ASNS: variants seen among roughly 807,000 people sequenced by gnomAD.
ASNS encodes asparagine synthetase [glutamine-hydrolyzing].
A neutral mutation model predicts 62.6 loss-of-function variants in ASNS; 37 were observed. The ratio of observed to expected loss-of-function variants is 0.59; its 90% confidence interval spans 0.45 to 0.78. The LOEUF (loss-of-function observed/expected upper bound fraction) is 0.78. ASNS is among the 30% of genes least tolerant of loss of function. The probability of loss-of-function intolerance (pLI) is 0.00; values close to 1 mark genes in which losing one functional copy is unlikely to be tolerated. For synonymous variants in ASNS, 207 were observed against 237.9 expected, an observed-to-expected ratio of 0.87 and a Z score of 1.19; for missense variants, 520 against 682.4, an observed-to-expected ratio of 0.76 and a Z score of 2.65.
the ASNS span, among the ~76,000 whole-genome samples, chr7:97,897,372 C>G: frequency 6.6e-6 from 1 of 152,118 alleles, no homozygotes; most frequent in East Asian, 1.9e-4. Context: ...ATGCCAAACG[C>G]AATTGCCACA....
At chr7:97,889,376 G>A in the ASNS span, among the ~76,000 whole-genome samples, 59 of 152,280 alleles carry the variant, frequency 3.9e-4, no homozygotes, top group Admixed American at 2.7e-3. Context: ...AATTAGCTGC[G>A]CATGGTTGTA....
At position 97,852,091 on chromosome 7, in the gene ASNS, G is replaced by C; in HGVS notation, c.*168C>G. The C allele has an allele frequency of 1.4e-6, 1 of 717,974 alleles. No individual in the cohort carries two copies. The highest frequency in any genetic ancestry group is 2.3e-6 in the Non-Finnish European group (1 of 441,530). 44.5% of individuals were successfully genotyped at this position (717,974 alleles called of 1,614,324 possible). ...CAAAACAGTTCTAGTTACCTCTTAT[G>C]AAGAGACTGCATGAACATAAATGAC... On this transcript the variant is annotated 3_prime_UTR_variant, in exon 13 of 13. Transcript: ENST00000394308.
At chr7:97,919,724 A>G in the ASNS span, among the ~76,000 whole-genome samples, 4 of 152,154 alleles carry the variant, frequency 2.6e-5, no homozygotes, top group African/African-American at 7.2e-5. Flanking sequence ...GGCAGGAGGA[A>G]AGGGGGACAA....
the ASNS span, among the ~76,000 whole-genome samples, chr7:97,925,182 G>T: frequency 5.9e-5 from 9 of 152,312 alleles, no homozygotes; most frequent in South Asian, 1.9e-3. Context: ...CATTTTCCAT[G>T]TACTGTCTTA....
intron 1 of ASNS, chr7:97,870,077 C>T (rs1318064032): frequency 1.9e-5 from 6 of 323,044 alleles, no homozygotes; most frequent in Admixed American, 5.3e-5. Flanking sequence ...CCCTTACATA[C>T]GTTAATTACT....
At chr7:97,893,019 G>A in the ASNS span, among the ~76,000 whole-genome samples, 2 of 152,210 alleles carry the variant, frequency 1.3e-5, no homozygotes, top group African/African-American at 2.4e-5. Context: ...TTCAAGACTG[G>A]GAAATTTACA....
At chr7:97,865,900 G>A (rs1357352043) in intron 3 of ASNS, among the ~76,000 whole-genome samples, 2 of 152,114 alleles carry the variant, frequency 1.3e-5, no homozygotes, top group Non-Finnish European at 2.9e-5. Context: ...CAGCTGAAGC[G>A]GGCTGAGAGG....
At position 97,868,999 on chromosome 7, in the gene ASNS, A is replaced by T; in HGVS notation, c.158T>A (p.Val53Asp). 6.2e-7 allele frequency: 1 copy of T among 1,614,246 alleles called. No individual in the cohort carries two copies. Among genetic ancestry groups the T allele is most frequent in the African/African-American group, 1.3e-5 (1 of 75,050 alleles). The change falls in exon 3 of 13, where the codon GTT becomes GAT. Residue 53 changes from valine to aspartate, a missense_variant. Physicochemically the swap from Val to Asp is radical, Grantham distance 152 (BLOSUM62 -3). Coordinates refer to ENST00000394308, the MANE Select transcript of ASNS (RefSeq NM_001673.5). ...CCFGFHRLAV[V>D]DPLFGMQPIR... is the part of the protein sequence containing the mutation. ...TGGCTGCATTCCAAACAGCGGGTCA[A>T]CTACCGCCAACCGGTGAAATCCAAA...
the ASNS span, among the ~76,000 whole-genome samples, chr7:97,880,523 G>A: frequency 1.3e-5 from 2 of 152,178 alleles, no homozygotes; most frequent in African/African-American, 2.4e-5. Flanking sequence ...AAACCTAGGG[G>A]TGTTCAGAAA....
At chr7:97,928,396 C>G in the ASNS span, 3 of 634,654 alleles carry the variant, frequency 4.7e-6, no homozygotes, top group South Asian at 4.2e-5. Context: ...TCGGAGGGTC[C>G]GCGCGGCGCG....
chr7:97,908,713 A>C, the ASNS span: 2 of 152,220 alleles, frequency 1.3e-5, no homozygotes, highest in African/African-American at 2.4e-5. Flanking sequence ...TTTCTGTATT[A>C]AATTTTTTAA....
At chr7:97,923,932 C>T in the ASNS span, among the ~76,000 whole-genome samples, 1 of 152,208 alleles carries the variant, frequency 6.6e-6, no homozygotes, top group Admixed American at 6.5e-5. Flanking sequence ...AACTCATCTC[C>T]TTCCTGTCCC....
the ASNS span, among the ~76,000 whole-genome samples, chr7:97,895,449 T>TA: frequency 3.9e-5 from 6 of 152,338 alleles, no homozygotes; most frequent in East Asian, 1.2e-3. Context: ...GCAAATGACA[T>TA]AATCTTATAC....
intron 7 of ASNS, 121 bp from the exon 8 acceptor site, chr7:97,856,937 A>G: frequency 9.1e-7 from 1 of 1,103,038 alleles, no homozygotes; most frequent in South Asian, 1.7e-5. Flanking sequence ...AACAAGGGAA[A>G]AAAAGAAAAA....
chr7:97,904,284 T>TCTCACACACACA, the ASNS span, among the ~76,000 whole-genome samples: 6 of 135,132 alleles, frequency 4.4e-5, no homozygotes, highest in Non-Finnish European at 6.3e-5. Flanking sequence ...ACTACCAGTT[T>TCTCACACACACA]CACACACACA....
At chr7:97,860,611 TC>T (rs760493921) in intron 4 of ASNS, among the ~76,000 whole-genome samples, 4 of 152,208 alleles carry the variant, frequency 2.6e-5, no homozygotes, top group Non-Finnish European at 5.9e-5. Context: ...GATCTCATTA[TC>T]CCTGCTTCAG....
chr7:97,884,195 C>T, the ASNS span, among the ~76,000 whole-genome samples: 1 of 152,098 alleles, frequency 6.6e-6, no homozygotes, highest in Non-Finnish European at 1.5e-5. Flanking sequence ...CTTTCTCCAG[C>T]CTCATTTCCT....
chr7:97,870,363 G>T, intron 1 of ASNS: 1 of 335,374 alleles, frequency 3.0e-6, no homozygotes, highest in Non-Finnish European at 5.4e-6. Context: ...TAAAAAAACT[G>T]CGAATTGCAG....
chr7:97,919,842 A>G, the ASNS span, among the ~76,000 whole-genome samples: 1 of 151,194 alleles, frequency 6.6e-6, no homozygotes, highest in East Asian at 1.9e-4. Flanking sequence ...CACAAGGAAA[A>G]GGAAAGCAAG....
Sources: gnomAD v4.1 joint callset for allele counts (sites outside exome capture counted in the v4.1 genomes callset) on GRCh38, gnomAD v4.1.1 for gene constraint, MANE v1.5 for transcripts, NCBI Gene and HGNC (gene_info 2026-07-23, HGNC 2026-07-21) for gene names.